PRKD2: variants seen among roughly 807,000 people sequenced by gnomAD.
PRKD2 encodes serine/threonine-protein kinase D2.
PRKD2 carries 22 observed loss-of-function variants against 86.0 expected under a neutral mutation model. That is an observed-to-expected ratio of 0.26 (90% CI 0.18 to 0.37). The LOEUF (loss-of-function observed/expected upper bound fraction) is 0.37, where lower values mean the gene tolerates loss of function less well. PRKD2 is among the 10% of genes least tolerant of loss of function. The probability of loss-of-function intolerance (pLI) is 1.00; values close to 1 mark genes in which losing one functional copy is unlikely to be tolerated. For missense variants in PRKD2, 818 were observed against 1,199.2 expected, an observed-to-expected ratio of 0.68 and a Z score of 4.70; for synonymous variants, 509 against 510.9, an observed-to-expected ratio of 1.00 and a Z score of 0.05.
chr19:46,713,577 C>T (rs1264256949), intron 2 of PRKD2, among the ~76,000 whole-genome samples: 1 of 151,990 alleles, frequency 6.6e-6, no homozygotes, highest in Non-Finnish European at 1.5e-5. Flanking sequence ...CTTCATGACC[C>T]CACTCTGTAA....
chr19:46,686,945 C>T (rs569772949), intron 14 of PRKD2, among the ~76,000 whole-genome samples: 40 of 149,054 alleles, frequency 2.7e-4, no homozygotes, highest in African/African-American at 9.4e-4. Context: ...AGCAAGACTC[C>T]GTCTCAAAAA....
intron 16 of PRKD2, among the ~76,000 whole-genome samples, chr19:46,675,577 A>G (rs780098332): frequency 2.6e-4 from 40 of 152,086 alleles, no homozygotes; most frequent in Non-Finnish European, 4.1e-4. Flanking sequence ...CCAAGTAGCT[A>G]GGAATACAGG....
At chr19:46,677,235 C>T (rs891514526) in intron 16 of PRKD2, 5 of 153,030 alleles carry the variant, frequency 3.3e-5, no homozygotes, top group African/African-American at 1.2e-4. Flanking sequence ...AAGCCGCACC[C>T]TCCAGAGAGG....
rs779057757 is a variant in PRKD2, at chr19:46,674,651, A to G, written c.2509T>C (p.Trp837Arg). The G allele has an allele frequency of 2.5e-6, 4 of 1,605,916 alleles. No individual in the cohort carries two copies. The African/African-American group carries it at 5.4e-5, about 22-fold the overall frequency. ...YITHESDDAR[W>R]EQFAAEHPLP... Reference sequence around the variant, plus strand: ...GGATGCTCTGCTGCAAACTGCTCCCAGCGCGCGTCGTCACTCTCATGCGTG... The same window carrying G: ...GGATGCTCTGCTGCAAACTGCTCCCGGCGCGCGTCGTCACTCTCATGCGTG... The change falls in exon 18 of 18, where the codon TGG (tryptophan) becomes CGG (arginine). Residue 837 changes from tryptophan (W) to arginine (R), a missense_variant. This residue lies in a region of PRKD2 where 132 missense variants were observed against 146.2 expected (regional missense o/e 0.90). Transcript: ENST00000291281.
intron 3 of PRKD2, among the ~76,000 whole-genome samples, chr19:46,707,419 C>T (rs1276884822): frequency 1.3e-5 from 2 of 151,842 alleles, no homozygotes; most frequent in Admixed American, 1.3e-4. Flanking sequence ...TGGTGAAACC[C>T]CGTCTACTAA....
At chr19:46,713,810 G>GC in intron 2 of PRKD2, 53 bp downstream of exon 2, 1 of 650,528 alleles carries the variant, frequency 1.5e-6, no homozygotes, top group Non-Finnish European at 2.3e-6. Context: ...TCCTCCCCCA[G>GC]ATGCCCCGCC....
At chr19:46,680,496 C>T (rs542994358) in intron 15 of PRKD2, among the ~76,000 whole-genome samples, 1 of 152,044 alleles carries the variant, frequency 6.6e-6, no homozygotes, top group East Asian at 1.9e-4. Flanking sequence ...GCCATGTTAG[C>T]CAGACTGGTA....
At chr19:46,715,645 C>G (rs1490378112) in intron 1 of PRKD2, among the ~76,000 whole-genome samples, 3 of 152,214 alleles carry the variant, frequency 2.0e-5, no homozygotes, top group Non-Finnish European at 4.4e-5. Flanking sequence ...ACACATATCT[C>G]AGGCTTAGGG....
intron 7 of PRKD2, among the ~76,000 whole-genome samples, chr19:46,699,086 C>T (rs1198367347): frequency 3.9e-5 from 6 of 152,226 alleles, no homozygotes; most frequent in Non-Finnish European, 7.4e-5. Context: ...GTCCAACCCT[C>T]TTCCCCTCGC....
chr19:46,714,225 T>C, intron 1 of PRKD2: 3 of 1,304,222 alleles, frequency 2.3e-6, no homozygotes, highest in Non-Finnish European at 2.9e-6. Context: ...GTTTGGTGGC[T>C]GGAAGGGGGA....
chr19:46,716,436 C>G lies in PRKD2; in HGVS notation c.-66G>C, dbSNP rs2053882674. The G allele has an allele frequency of 9.8e-7, 1 of 1,019,584 alleles. No individual in the cohort carries two copies. The highest frequency in any genetic ancestry group is 1.7e-5 in the African/African-American group (1 of 58,110). The allele number at this position is 1,019,584 out of a possible 1,614,324, so 63.2% of individuals were successfully genotyped here. A position where few individuals can be genotyped will look rare whatever the true frequency, so the allele number is the denominator to read the frequency against. ...ACCCGGCCGGGGGGCCCCGGGGGACCCTGGGTTCTAGATCCGCGGGATCTC... is the reference window on the plus strand; with the variant it reads ...ACCCGGCCGGGGGGCCCCGGGGGACGCTGGGTTCTAGATCCGCGGGATCTC... On this transcript the variant is annotated 5_prime_UTR_variant, in exon 1 of 18. Coordinates refer to ENST00000291281, the MANE Select transcript of PRKD2 (RefSeq NM_016457.5). The surrounding 1 kb of genome is among the most constrained non-coding windows in gnomAD (Gnocchi z 7.9).
chr19:46,697,698 GC>G lies in PRKD2; in HGVS notation c.1239+34del, dbSNP rs1471405292. The G allele has an allele frequency of 1.9e-6, 3 of 1,571,714 alleles. No individual in the cohort carries two copies. In the African/African-American group the frequency reaches 4.1e-5, roughly 21 times the overall value. On this transcript the variant is annotated intron_variant, in intron 8 of 17. Transcript: ENST00000291281. ...CTGAGCCGCCCCTCTTCCAGCCTTC[GC>G]TCCGCCGTACCCGGCCCCGCCCCGG...
chr19:46,684,890 G>A (rs2053371962), intron 14 of PRKD2, among the ~76,000 whole-genome samples: 1 of 151,432 alleles, frequency 6.6e-6, no homozygotes, highest in South Asian at 2.1e-4. Context: ...TTGAACCTGG[G>A]AGGCAGAGGT....
In PRKD2 at chr19:46,704,299, C is replaced by A. The variant is rs373672004; in HGVS notation, c.759G>T (p.Leu253=). 1 of 1,614,200 alleles carries A rather than the reference C, an allele frequency of 6.2e-7. No homozygotes were observed. The highest frequency in any genetic ancestry group is 1.1e-5 in the South Asian group (1 of 91,082). Residue 253 remains leucine, a synonymous_variant, in exon 5 of 18, where the codon CTG becomes CTT. Coordinates refer to ENST00000291281, the MANE Select transcript of PRKD2 (RefSeq NM_016457.5). The stretch of plus-strand genomic sequence containing the variant: ...TGACCTTGGAGAGCAGCATCTTGTC[C>A]AGCTCAATGGGGCGGCCCGTATACG... ...ASSYTGRPIE[L]DKMLLSKVKV... is the part of the protein sequence containing the mutation.
At position 46,678,609 on chromosome 19, in the gene PRKD2, G is replaced by A. The variant is rs1387904543; in HGVS notation, c.2125C>T (p.Arg709Cys). 2 of 1,612,428 alleles carry A rather than the reference G, an allele frequency of 1.2e-6. No individual in the cohort carries two copies. The highest frequency in any genetic ancestry group is 2.7e-5 in the African/African-American group (2 of 74,944). The change falls in exon 16 of 18, where the codon CGC (arginine) becomes TGC (cysteine). Residue 709 changes from arginine to cysteine, a missense_variant. Arg to Cys is a radical substitution (Grantham distance 180). Transcript: ENST00000291281. The surrounding 1 kb of genome is among the most constrained non-coding windows in gnomAD (Gnocchi z 5.7). ...TAGGCCGGCGTGCCCACCACTGAGC[G>A]GCGGAACGACTTCTCGCCGATGATG... ...ARIIGEKSFR[R>C]SVVGTPAYLA...
rs1379421431 is a variant in PRKD2 at position 46,678,568 on chromosome 19, C to A, written c.2166G>T (p.Val722=). ...AGCGGTTGTAGCCCTGGTTGAGCAG[C>A]ACCTCGGGTGCCAGGTAGGCCGGCG... is the stretch of plus-strand genomic sequence containing the variant. ...VGTPAYLAPE[V]LLNQGYNRSL... The change falls in exon 16 of 18, where the codon GTG becomes GTT. Residue 722 remains valine (V), a synonymous_variant. Coordinates refer to ENST00000291281, the MANE Select transcript of PRKD2 (RefSeq NM_016457.5). The surrounding 1 kb of genome is among the most constrained non-coding windows in gnomAD (Gnocchi z 5.7). 1.2e-6 allele frequency: 2 copies of A among 1,614,134 alleles called. No homozygotes were observed. The highest frequency in any genetic ancestry group is 4.5e-5 in the East Asian group (2 of 44,884).
intron 2 of PRKD2, among the ~76,000 whole-genome samples, chr19:46,711,256 G>A (rs560081937): frequency 6.6e-6 from 1 of 152,190 alleles, no homozygotes; most frequent in African/African-American, 2.4e-5. Flanking sequence ...GGGACAGAGC[G>A]GGAATTGGGG....
chr19:46,681,843 T>C, intron 14 of PRKD2, 95 bp from the exon 15 acceptor site: 1 of 616,276 alleles, frequency 1.6e-6, no homozygotes, highest in Non-Finnish European at 2.7e-6. Flanking sequence ...TCCATACTTT[T>C]TTTTTTTTTT....
At position 46,687,262 on chromosome 19, in the gene PRKD2, G is replaced by A. The variant is rs12459279; in HGVS notation, c.1971+2275C>T. Among the ~76,000 whole-genome samples the A allele has an allele frequency of 8.2e-3, 1,250 of 152,146 alleles. 26 individuals are homozygous for A. The highest frequency in any genetic ancestry group is 0.058 in the East Asian group (301 of 5,162). On this transcript the variant is annotated intron_variant, in intron 14 of 17. Coordinates refer to ENST00000291281, the MANE Select transcript of PRKD2 (RefSeq NM_016457.5). The stretch of plus-strand genomic sequence containing the variant: ...TAAAAATTAGCTGGGTGTGATGGCT[G>A]ATGCCTGTTGTCTCAGCTACTCAGG...
Sources: gnomAD v4.1 joint callset for allele counts (sites outside exome capture counted in the v4.1 genomes callset) on GRCh38, gnomAD v4.1.1 for gene constraint, gnomAD v4.1.1 regional missense constraint, Gnocchi (gnomAD v3.1) non-coding constraint, MANE v1.5 for transcripts, NCBI Gene and HGNC (gene_info 2026-07-23, HGNC 2026-07-21) for gene names.